Variants in DSCAM observed in about 807,000 individuals in gnomAD.
The protein encoded by DSCAM is DS cell adhesion molecule, also known as cell adhesion molecule DSCAM.
In DSCAM, 47 loss-of-function variants were observed where a neutral mutation model predicts 217.7. That is an observed-to-expected ratio of 0.22 (90% confidence interval 0.17 to 0.28). The LOEUF (loss-of-function observed/expected upper bound fraction) is 0.28. DSCAM is among the 10% of genes least tolerant of loss of function. The probability of loss-of-function intolerance (pLI) is 1.00; values close to 1 mark genes in which losing one functional copy is unlikely to be tolerated. For synonymous variants in DSCAM, 1,056 were observed against 1,015.3 expected (o/e 1.04, Z -0.76); for missense variants, 2,080 against 2,618.3 (o/e 0.79, Z 4.49).
At chr21:40,619,937 G>T (rs1019183855) in intron 3 of DSCAM, among the ~76,000 whole-genome samples, 1 of 147,010 alleles carries the variant, frequency 6.8e-6, no homozygotes, top group African/African-American at 2.5e-5. Context: ...GGCAAGAAAG[G>T]AGGAAAGGAA....
intron 10 of DSCAM, among the ~76,000 whole-genome samples, chr21:40,279,072 TA>T (rs1212215394): frequency 6.6e-6 from 1 of 152,210 alleles, no homozygotes; most frequent in African/African-American, 2.4e-5. Context: ...AAAATGATTC[TA>T]AGTAGAAAAA....
intron 1 of DSCAM, among the ~76,000 whole-genome samples, chr21:40,713,593 C>A (rs111813904): frequency 1.3e-5 from 2 of 151,998 alleles, no homozygotes; most frequent in Non-Finnish European, 2.9e-5. Flanking sequence ...TGAGGAAGGG[C>A]AAGTGTAATG....
intron 19 of DSCAM, among the ~76,000 whole-genome samples, chr21:40,126,528 T>C (rs1355178564): frequency 6.6e-6 from 1 of 152,174 alleles, no homozygotes; most frequent in Non-Finnish European, 1.5e-5. Context: ...ATGCAGTTCA[T>C]GGAGTAAAAG....
chr21:40,112,455 G>C (rs1225075831), intron 20 of DSCAM, among the ~76,000 whole-genome samples: 1 of 152,066 alleles, frequency 6.6e-6, no homozygotes. Context: ...ATGCCCACAA[G>C]AGAAAGCAGG....
intron 16 of DSCAM, among the ~76,000 whole-genome samples, chr21:40,146,965 C>T (rs543346667): frequency 1.3e-5 from 2 of 152,292 alleles, no homozygotes; most frequent in Admixed American, 1.3e-4. Context: ...AAATGAATTT[C>T]CCTGTAAACG....
intron 3 of DSCAM, among the ~76,000 whole-genome samples, chr21:40,662,419 C>G (rs1359091560): frequency 6.6e-6 from 1 of 152,158 alleles, no homozygotes; most frequent in African/African-American, 2.4e-5. Flanking sequence ...TGCAGACATA[C>G]AGGAGCGTCC....
At chr21:40,441,510 G>T (rs1319772116) in intron 3 of DSCAM, among the ~76,000 whole-genome samples, 1 of 152,132 alleles carries the variant, frequency 6.6e-6, no homozygotes, top group Non-Finnish European at 1.5e-5. Flanking sequence ...ATATGAGAAG[G>T]ATTAACAAGG....
At chr21:40,689,279 C>T (rs112202974) in intron 3 of DSCAM, among the ~76,000 whole-genome samples, 1 of 152,214 alleles carries the variant, frequency 6.6e-6, no homozygotes, top group African/African-American at 2.4e-5. Flanking sequence ...TTCCAAAGGT[C>T]CCCTGGCCTA....
At chr21:40,719,254 G>C (rs2146503734) in intron 1 of DSCAM, among the ~76,000 whole-genome samples, 2 of 152,302 alleles carry the variant, frequency 1.3e-5, no homozygotes, top group Middle Eastern at 6.8e-3. Flanking sequence ...TAAAAGTACA[G>C]TGGGGTACTA....
chr21:40,655,636 A>G (rs1377646601), intron 3 of DSCAM, among the ~76,000 whole-genome samples: 1 of 151,722 alleles, frequency 6.6e-6, no homozygotes, highest in Non-Finnish European at 1.5e-5. Flanking sequence ...TAATTTTTGT[A>G]GAGACAGGAT....
At chr21:40,241,977 C>T (rs538399024) in intron 11 of DSCAM, among the ~76,000 whole-genome samples, 141 of 152,170 alleles carry the variant, frequency 9.3e-4, no homozygotes, top group African/African-American at 3.3e-3. Flanking sequence ...AAGGAAACAA[C>T]AGACACTGGG....
At chr21:40,397,531 T>C (rs77900286) in intron 3 of DSCAM, among the ~76,000 whole-genome samples, 4,390 of 152,194 alleles carry the variant, frequency 0.029, 87 homozygotes, top group African/African-American at 0.056. Flanking sequence ...CCTACAGAAC[T>C]GTGAGCCAAT....
rs2073563577 is a variant in DSCAM at position 40,267,993 on chromosome 21, A to ATACATACACAAGTATATACAAG, written c.2356+8103_2356+8104insCTTGTATATACTTGTGTATGTA. ...TGCGTATATACACAAGTATATACAA[A>ATACATACACAAGTATATACAAG]TACACACACATATATACATTCCAGC... On this transcript the variant is annotated intron_variant, in intron 11 of 32. Transcript: ENST00000400454. Among the ~76,000 whole-genome samples, 8 of 152,372 alleles carry ATACATACACAAGTATATACAAG rather than the reference A, an allele frequency of 5.3e-5. No homozygotes were observed. In the South Asian group the frequency reaches 1.7e-3, roughly 32 times the overall value.
chr21:40,430,107 A>G (rs1040719013), intron 3 of DSCAM, among the ~76,000 whole-genome samples: 2 of 152,226 alleles, frequency 1.3e-5, no homozygotes, highest in Non-Finnish European at 2.9e-5. Flanking sequence ...ACCTCTTGCT[A>G]AAATCCAGCA....
At chr21:40,483,387 A>G (rs2145992279) in intron 3 of DSCAM, among the ~76,000 whole-genome samples, 1 of 152,320 alleles carries the variant, frequency 6.6e-6, no homozygotes, top group African/African-American at 2.4e-5. Flanking sequence ...GTTATTTTTA[A>G]GTGAAATCAA....
In DSCAM at chr21:40,712,160, G is replaced by C. The variant is rs1028622271; in HGVS notation, c.44-3389C>G. Among the ~76,000 whole-genome samples the C allele has an allele frequency of 2.6e-5, 4 of 152,154 alleles. No individual in the cohort carries two copies. In the East Asian group the frequency reaches 7.7e-4, roughly 29 times the overall value. Reference sequence around the variant, plus strand: ...AAGCAATAATTATTACATTGAATAAGGCAATGACACAACTAAGACTCTCAG... The same window carrying C: ...AAGCAATAATTATTACATTGAATAACGCAATGACACAACTAAGACTCTCAG... On this transcript the variant is annotated intron_variant, in intron 1 of 32. Transcript: ENST00000400454.
At chr21:40,435,661 C>A (rs1364331935) in intron 3 of DSCAM, among the ~76,000 whole-genome samples, 1 of 151,820 alleles carries the variant, frequency 6.6e-6, no homozygotes, top group Non-Finnish European at 1.5e-5. Context: ...CTTTGAATTG[C>A]TTTTGTACCT....
intron 3 of DSCAM, among the ~76,000 whole-genome samples, chr21:40,611,754 C>G (rs971543063): frequency 6.6e-6 from 1 of 152,204 alleles, no homozygotes. Context: ...TAGCTCTGAA[C>G]CACACACTAT....
chr21:40,635,193 C>A (rs928699882), intron 3 of DSCAM, among the ~76,000 whole-genome samples: 7 of 151,868 alleles, frequency 4.6e-5, no homozygotes, highest in African/African-American at 1.7e-4. Flanking sequence ...GAAATCCCAT[C>A]GACAGGAGAG....
Sources: gnomAD v4.1 joint callset for allele counts (sites outside exome capture counted in the v4.1 genomes callset) on GRCh38, gnomAD v4.1.1 for gene constraint, MANE v1.5 for transcripts, NCBI Gene and HGNC (gene_info 2026-07-23, HGNC 2026-07-21) for gene names.